Variants in ERBB4 observed in about 807,000 individuals in gnomAD.
ERBB4 encodes the protein erb-b2 receptor tyrosine kinase 4.
In ERBB4, 42 loss-of-function variants were observed where a neutral mutation model predicts 158.0. The ratio of observed to expected loss-of-function variants is 0.27; its 90% CI spans 0.21 to 0.34. The LOEUF (loss-of-function observed/expected upper bound fraction) is 0.34, where lower values mean the gene tolerates loss of function less well. Ranked by LOEUF, ERBB4 falls within the 10% of genes least tolerant of loss-of-function variation. The pLI, the probability that ERBB4 is intolerant of heterozygous loss-of-function variation, is 1.00. For missense variants in ERBB4, 1,333 were observed against 1,624.1 expected (o/e 0.82, Z 3.08); for synonymous variants, 583 against 558.7 (o/e 1.04, Z -0.61).
chr2:211,638,557 T>C (rs540454745), intron 16 of ERBB4, among the ~76,000 whole-genome samples: 2 of 152,276 alleles, frequency 1.3e-5, no homozygotes, highest in Non-Finnish European at 2.9e-5. Flanking sequence ...GATTCCTCTA[T>C]TACATTTCAA....
chr2:212,221,320 G>A (rs1403686741), intron 1 of ERBB4, among the ~76,000 whole-genome samples: 1 of 151,478 alleles, frequency 6.6e-6, no homozygotes, highest in Non-Finnish European at 1.5e-5. Context: ...AATATACATT[G>A]TATTTCTTTA....
intron 20 of ERBB4, among the ~76,000 whole-genome samples, chr2:211,537,286 A>G (rs1271293454): frequency 6.6e-6 from 1 of 150,570 alleles, no homozygotes; most frequent in Non-Finnish European, 1.5e-5. Context: ...GAAAAAATGA[A>G]TAAAATATGC....
At chr2:211,912,926 G>A (rs1205130374) in intron 3 of ERBB4, among the ~76,000 whole-genome samples, 1 of 152,198 alleles carries the variant, frequency 6.6e-6, no homozygotes, top group Non-Finnish European at 1.5e-5. Flanking sequence ...TTGACAGGCA[G>A]GACTCTTTCT....
chr2:212,173,991 TA>T (rs988485994), intron 1 of ERBB4, among the ~76,000 whole-genome samples: 8 of 152,120 alleles, frequency 5.3e-5, no homozygotes, highest in African/African-American at 1.9e-4. Flanking sequence ...TCTGACTGTA[TA>T]AACACACCTC....
Position 212,538,619 on chromosome 2 carries a change from G to GGC in ERBB4, c.-91_-90dup. On this transcript the variant is annotated 5_prime_UTR_variant, in exon 1 of 28. Transcript: ENST00000342788. ...GCACGCGGAGGAGATCCCCCAGCCG[G>GGC]GCGCGCGTGGGGGTGCGAGGGGGGC... The GGC allele has an allele frequency of 7.3e-7, 1 of 1,374,082 alleles. No individual in the cohort carries two copies. Among genetic ancestry groups the GGC allele is most frequent in the East Asian group, 2.3e-5 (1 of 43,166 alleles). 85.1% of individuals were successfully genotyped at this position (1,374,082 alleles called of 1,614,324 possible). A position where few individuals can be genotyped will look rare whatever the true frequency, so the allele number is the denominator to read the frequency against.
At chr2:211,469,613 A>G (rs1474042007) in intron 20 of ERBB4, among the ~76,000 whole-genome samples, 1 of 152,212 alleles carries the variant, frequency 6.6e-6, no homozygotes, top group Non-Finnish European at 1.5e-5. Context: ...AGAGTGGTTA[A>G]GAACTGAAGT....
At chr2:212,304,543 C>A (rs1373128718) in intron 1 of ERBB4, among the ~76,000 whole-genome samples, 1 of 151,342 alleles carries the variant, frequency 6.6e-6, no homozygotes. Flanking sequence ...CAAATGTATT[C>A]TTAGCCACCC....
chr2:212,437,437 T>C (rs532473678), intron 1 of ERBB4, among the ~76,000 whole-genome samples: 11 of 151,584 alleles, frequency 7.3e-5, no homozygotes, highest in Non-Finnish European at 1.3e-4. Flanking sequence ...TCTCCTTTCC[T>C]GTACAGGAAG....
chr2:212,276,581 TC>T, intron 1 of ERBB4, among the ~76,000 whole-genome samples: 1 of 151,754 alleles, frequency 6.6e-6, no homozygotes, highest in Non-Finnish European at 1.5e-5. Flanking sequence ...GAGATTATGG[TC>T]AACAGTATAC....
chr2:212,367,779 G>A (rs189134924), intron 1 of ERBB4, among the ~76,000 whole-genome samples: 1 of 152,148 alleles, frequency 6.6e-6, no homozygotes, highest in Admixed American at 6.6e-5. Context: ...CTAAGGGCAT[G>A]AATAGACAAT....
intron 1 of ERBB4, among the ~76,000 whole-genome samples, chr2:212,153,785 G>A (rs188747174): frequency 1.3e-5 from 2 of 152,214 alleles, no homozygotes; most frequent in Admixed American, 6.6e-5. Flanking sequence ...TTCCAGTGAA[G>A]TTTCATTCTA....
chr2:211,905,742 G>GTATATA (rs1309823693), intron 3 of ERBB4, among the ~76,000 whole-genome samples: 6 of 95,546 alleles, frequency 6.3e-5, no homozygotes, highest in Middle Eastern at 5.1e-3. Context: ...GTGCATGTGT[G>GTATATA]TGTATATATA....
chr2:212,322,929 C>T (rs999080967), intron 1 of ERBB4, among the ~76,000 whole-genome samples: 1 of 138,976 alleles, frequency 7.2e-6, no homozygotes, highest in Non-Finnish European at 1.5e-5. Context: ...ATGTTATTCT[C>T]CCTAGCCGGA....
rs747093796 is a variant in ERBB4, at chr2:211,702,203, C to G, written c.1290-37G>C. The stretch of plus-strand genomic sequence containing the variant: ...GAAGTGAGAAAACGGAACCATGAAA[C>G]GCATTCCGGAGTAAAATAAGGCTGT... On this transcript the variant is annotated intron_variant, in intron 11 of 27. Transcript: ENST00000342788. 2.0e-6 allele frequency: 3 copies of G among 1,500,850 alleles called. No individual in the cohort carries two copies. In the African/African-American group the frequency reaches 4.1e-5, roughly 21 times the overall value. The allele number at this position is 1,500,850 out of a possible 1,614,324, so 93.0% of individuals were successfully genotyped here. A position where few individuals can be genotyped will look rare whatever the true frequency, so the allele number is the denominator to read the frequency against.
At chr2:211,495,922 C>T (rs374390246) in intron 20 of ERBB4, among the ~76,000 whole-genome samples, 28 of 151,990 alleles carry the variant, frequency 1.8e-4, no homozygotes, top group South Asian at 8.3e-4. Context: ...ATGCTAAAAA[C>T]GTAGGGTTGT....
chr2:211,665,337 T>G lies in ERBB4; in HGVS notation c.1857A>C (p.Pro619=). The G allele has an allele frequency of 6.2e-7, 1 of 1,614,168 alleles. No homozygotes were observed. The highest frequency in any genetic ancestry group is 8.5e-7 in the Non-Finnish European group (1 of 1,180,014). Residue 619 remains proline, a synonymous_variant, in exon 15 of 28, where the codon CCA becomes CCC. Transcript: ENST00000342788. ...DPDRECHPCH[P]NCTQGCNGPT... ...AGAATGCTTACCCTTGGGTGCAGTT[T>G]GGATGGCATGGGTGGCACTCCCGAT...
At chr2:211,614,247 G>A (rs1161694254) in intron 19 of ERBB4, among the ~76,000 whole-genome samples, 4 of 152,028 alleles carry the variant, frequency 2.6e-5, no homozygotes, top group Non-Finnish European at 5.9e-5. Flanking sequence ...AAGATAGAGA[G>A]TAGAAGGATG....
At chr2:211,718,380 C>A (rs1386511922) in intron 7 of ERBB4, among the ~76,000 whole-genome samples, 2 of 152,150 alleles carry the variant, frequency 1.3e-5, no homozygotes, top group East Asian at 1.9e-4. Context: ...TGCTTGGGAC[C>A]AGATGTGTTT....
rs61463146 is a variant in ERBB4 at position 211,842,632 on chromosome 2, T to G, written c.422-54473A>C. 5.7e-3 allele frequency among the ~76,000 whole-genome samples: 869 copies of G among 152,144 alleles called. 10 individuals carry two copies. Among genetic ancestry groups the G allele is most frequent in the African/African-American group, 0.019 (800 of 41,540 alleles). On this transcript the variant is annotated intron_variant, in intron 3 of 27. Transcript: ENST00000342788. Reference sequence around the variant, plus strand: ...TAAACCCTGCCTAAACATTTTATTTTGTTAAGTTATTCAGGAATAGTCTTT... The same window carrying G: ...TAAACCCTGCCTAAACATTTTATTTGGTTAAGTTATTCAGGAATAGTCTTT...
Sources: gnomAD v4.1 joint callset for allele counts (sites outside exome capture counted in the v4.1 genomes callset) on GRCh38, gnomAD v4.1.1 for gene constraint, MANE v1.5 for transcripts, NCBI Gene and HGNC (gene_info 2026-07-23, HGNC 2026-07-21) for gene names.